Variants in SMOC2 observed in about 807,000 individuals in gnomAD.
SMOC2 encodes SPARC related modular calcium binding 2.
SMOC2 carries 39 observed loss-of-function variants against 61.4 expected under a neutral mutation model. The ratio of observed to expected loss-of-function variants is 0.64; its 90% confidence interval spans 0.49 to 0.83. The LOEUF is 0.83. Ranked by LOEUF, SMOC2 falls within the 40% of genes least tolerant of loss-of-function variation. SMOC2 has a pLI of 0.00. For synonymous variants in SMOC2, 247 were observed against 239.9 expected, an observed-to-expected ratio of 1.03 and a Z score of -0.27; for missense variants, 556 against 592.9, an observed-to-expected ratio of 0.94 and a Z score of 0.65.
intron 4 of SMOC2, among the ~76,000 whole-genome samples, chr6:168,540,356 T>G (rs1783850786): frequency 1.3e-5 from 2 of 152,220 alleles, no homozygotes; most frequent in South Asian, 4.1e-4. Context: ...TCTCCCCAGC[T>G]GCGTGTCCAG....
chr6:168,592,671 G>A (rs1438606312), intron 7 of SMOC2, among the ~76,000 whole-genome samples: 1 of 110,310 alleles, frequency 9.1e-6, no homozygotes, highest in African/African-American at 3.4e-5. Flanking sequence ...CCTCCTTCCT[G>A]AGGCCTCACG....
chr6:168,458,275 T>TG (rs1413045064), intron 1 of SMOC2, among the ~76,000 whole-genome samples: 1 of 151,838 alleles, frequency 6.6e-6, no homozygotes, highest in Non-Finnish European at 1.5e-5. Flanking sequence ...CTGCCTGCCC[T>TG]GGGGGTCCTG....
rs191930128 is a variant in SMOC2, at chr6:168,579,604, G to A, written c.638-19214G>A. ...TTCTGGCATAGCTGTGTTTGCACCC[G>A]TCCTGAGGGGAGCTGGTGAGGGTGT... On this transcript the variant is annotated intron_variant, in intron 7 of 12. Coordinates refer to ENST00000356284, the MANE Select transcript of SMOC2 (RefSeq NM_001166412.2). Among the ~76,000 whole-genome samples the A allele has an allele frequency of 8.5e-4, 129 of 152,336 alleles. 1 individual carries two copies. In the South Asian group the frequency reaches 0.019, roughly 22 times the overall value.
chr6:168,571,693 G>C (rs1784669339), intron 7 of SMOC2, among the ~76,000 whole-genome samples: 2 of 152,190 alleles, frequency 1.3e-5, no homozygotes, highest in Non-Finnish European at 2.9e-5. Context: ...TTCTGTGATT[G>C]TGTCCAGGAT....
intron 7 of SMOC2, among the ~76,000 whole-genome samples, chr6:168,582,611 C>T (rs1244197392): frequency 2.0e-5 from 3 of 152,148 alleles, no homozygotes; most frequent in Non-Finnish European, 4.4e-5. Flanking sequence ...GTGGCCTGGA[C>T]CAGCTCAGCT....
rs1195588176 is a variant in SMOC2, at chr6:168,475,556, C to T, written c.84+34102C>T. Among the ~76,000 whole-genome samples, 1 of 151,940 alleles carries T rather than the reference C, an allele frequency of 6.6e-6. No homozygotes were observed. Among genetic ancestry groups the T allele is most frequent in the Non-Finnish European group, 1.5e-5 (1 of 67,950 alleles). ...GGAGAGGAGGCCATGGCCAGCGTTG[C>T]CTTGGGGGACAGGGCATGAAGGCAC... On this transcript the variant is annotated intron_variant, in intron 1 of 12. Coordinates refer to ENST00000356284, the MANE Select transcript of SMOC2 (RefSeq NM_001166412.2). This position sits in a 1 kb window ranked among gnomAD's most constrained non-coding sequence, Gnocchi z 4.6.
intron 7 of SMOC2, among the ~76,000 whole-genome samples, chr6:168,590,367 C>T (rs113515233): frequency 3.0e-5 from 1 of 33,094 alleles, no homozygotes; most frequent in East Asian, 7.0e-4. Context: ...CATTAGTTTA[C>T]GGGGCAGCCG....
chr6:168,530,863 C>T (rs1360093011), intron 4 of SMOC2, among the ~76,000 whole-genome samples: 3 of 152,234 alleles, frequency 2.0e-5, no homozygotes, highest in African/African-American at 7.2e-5. Context: ...CCTGGGAGGG[C>T]GTTCCCAGCA....
At chr6:168,512,012 C>T (rs771780686) in intron 2 of SMOC2, among the ~76,000 whole-genome samples, 1 of 151,984 alleles carries the variant, frequency 6.6e-6, no homozygotes, top group Admixed American at 6.6e-5. Flanking sequence ...CTTAAAGTCC[C>T]GTTCTGGTTT....
At chr6:168,577,096 A>G (rs1365877074) in intron 7 of SMOC2, among the ~76,000 whole-genome samples, 1 of 152,124 alleles carries the variant, frequency 6.6e-6, no homozygotes, top group Non-Finnish European at 1.5e-5. Context: ...CCAAAGTTCC[A>G]CCAGGATGAC....
At chr6:168,499,307 A>G (rs1214233785) in intron 1 of SMOC2, among the ~76,000 whole-genome samples, 1 of 152,224 alleles carries the variant, frequency 6.6e-6, no homozygotes, top group African/African-American at 2.4e-5. Context: ...CCGCAGTCCA[A>G]CGTGTGCTTC....
intron 1 of SMOC2, among the ~76,000 whole-genome samples, chr6:168,477,961 C>T (rs1037209251): frequency 6.6e-6 from 1 of 152,174 alleles, no homozygotes; most frequent in South Asian, 2.1e-4. Context: ...GAAAACTGCT[C>T]ATAAAGGTCT....
chr6:168,471,864 A>G (rs1441645941), intron 1 of SMOC2, among the ~76,000 whole-genome samples: 1 of 152,112 alleles, frequency 6.6e-6, no homozygotes, highest in Non-Finnish European at 1.5e-5. Context: ...ATCTTTTCTT[A>G]TTCAAGTCCT....
At chr6:168,581,286 C>T (rs1024796275) in intron 7 of SMOC2, among the ~76,000 whole-genome samples, 3 of 152,050 alleles carry the variant, frequency 2.0e-5, no homozygotes, top group East Asian at 1.9e-4. Context: ...AGACAACATG[C>T]GTAAAAATTA....
At chr6:168,489,260 G>A (rs1033489582) in intron 1 of SMOC2, among the ~76,000 whole-genome samples, 2 of 140,356 alleles carry the variant, frequency 1.4e-5, no homozygotes, top group Non-Finnish European at 3.0e-5. Context: ...GAAATATATC[G>A]AATCATCTGG....
At chr6:168,504,328 G>A (rs946427499) in intron 1 of SMOC2, among the ~76,000 whole-genome samples, 2 of 150,650 alleles carry the variant, frequency 1.3e-5, no homozygotes, top group African/African-American at 2.5e-5. Flanking sequence ...ATGAGATAAT[G>A]TGCAACTCGC....
chr6:168,607,478 G>A (rs1042201771), intron 8 of SMOC2, among the ~76,000 whole-genome samples: 2 of 152,206 alleles, frequency 1.3e-5, no homozygotes, highest in African/African-American at 4.8e-5. Context: ...GCTCCCATGA[G>A]CTCTGCAACC....
chr6:168,462,969 T>G (rs1781748045), intron 1 of SMOC2, among the ~76,000 whole-genome samples: 1 of 152,166 alleles, frequency 6.6e-6, no homozygotes. Context: ...ATGTTGGTAA[T>G]TAATAATAAC....
chr6:168,484,474 C>T (rs769674446), intron 1 of SMOC2, among the ~76,000 whole-genome samples: 5 of 152,082 alleles, frequency 3.3e-5, no homozygotes, highest in African/African-American at 7.2e-5. Flanking sequence ...GAAATTGGAA[C>T]GTTTGTGCAC....
Sources: allele counts gnomAD v4.1 joint callset (sites outside exome capture counted in the v4.1 genomes callset), GRCh38; gene constraint gnomAD v4.1.1; non-coding constraint Gnocchi (gnomAD v3.1); transcripts MANE v1.5; gene names NCBI Gene and HGNC (gene_info 2026-07-23, HGNC 2026-07-21).